The following COMMD10 variants were observed in gnomAD, a reference collection of about 807,000 sequenced individuals.
The protein encoded by COMMD10 is COMM domain containing 10, also known as COMM domain-containing protein 10.
A neutral mutation model predicts 28.9 loss-of-function variants in COMMD10; 33 were observed. The ratio of observed to expected loss-of-function variants is 1.14; its 90% CI spans 0.87 to 1.53. The LOEUF (loss-of-function observed/expected upper bound fraction) is 1.53, where lower values mean the gene tolerates loss of function less well. Ranked by LOEUF, COMMD10 falls within the 40% of genes most tolerant of loss-of-function variation. The pLI is 0.00. For synonymous variants in COMMD10, 110 were observed against 81.7 expected, an observed-to-expected ratio of 1.35 and a Z score of -1.87; for missense variants, 310 against 233.4, an observed-to-expected ratio of 1.33 and a Z score of -2.14.
chr5:116,098,676 T>C lies in COMMD10; in HGVS notation c.399+5976T>C, dbSNP rs143273929. On this transcript the variant is annotated intron_variant, in intron 4 of 6. Coordinates refer to ENST00000274458, the MANE Select transcript of COMMD10 (RefSeq NM_016144.4). Reference sequence around the variant, plus strand: ...GAGTATCTGCAGTTTTGGGTGTCTGTAGGGGGTCCTGGAACCAGCCCTCGC... The same window carrying C: ...GAGTATCTGCAGTTTTGGGTGTCTGCAGGGGGTCCTGGAACCAGCCCTCGC... 1.9e-3 allele frequency among the ~76,000 whole-genome samples: 291 copies of C among 152,280 alleles called. 2 individuals carry two copies. Among genetic ancestry groups the C allele is most frequent in the African/African-American group, 6.6e-3 (274 of 41,566 alleles).
intron 5 of COMMD10, among the ~76,000 whole-genome samples, chr5:116,271,272 T>C (rs1750746236): frequency 6.8e-6 from 1 of 147,510 alleles, no homozygotes; most frequent in South Asian, 2.1e-4. Flanking sequence ...TTAAGCATTT[T>C]TATCTTTTTA....
chr5:116,141,412 A>C (rs1325841843), intron 5 of COMMD10, among the ~76,000 whole-genome samples: 4 of 151,590 alleles, frequency 2.6e-5, no homozygotes, highest in Non-Finnish European at 5.9e-5. Context: ...ATTCCATGCG[A>C]ATTTTAGAAT....
chr5:116,103,510 G>C (rs1048547307), intron 4 of COMMD10, among the ~76,000 whole-genome samples: 2 of 151,184 alleles, frequency 1.3e-5, no homozygotes, highest in Admixed American at 6.6e-5. Flanking sequence ...CTTTTTGATG[G>C]GTTTTTTTCT....
chr5:116,156,600 G>A (rs1014757152), intron 5 of COMMD10, among the ~76,000 whole-genome samples: 1 of 152,050 alleles, frequency 6.6e-6, no homozygotes, highest in African/African-American at 2.4e-5. Flanking sequence ...AAGGCCTTTT[G>A]AATTTTGAAT....
chr5:116,189,213 CA>C (rs1368145472), intron 5 of COMMD10, among the ~76,000 whole-genome samples: 1 of 152,136 alleles, frequency 6.6e-6, no homozygotes, highest in Non-Finnish European at 1.5e-5. Context: ...GAAATCGCTG[CA>C]TGAGACTTCA....
rs114860981 is a variant in COMMD10, at chr5:116,213,825, G to C, written c.511-77692G>C. On this transcript the variant is annotated intron_variant, in intron 5 of 6. Transcript: ENST00000274458. ...GTACAAATACCATGTTAAGGTGCTT[G>C]ATAAAATGTGAATGATTTATGAAAT... 8.7e-3 allele frequency among the ~76,000 whole-genome samples: 1,329 copies of C among 152,116 alleles called. 22 individuals carry two copies. Among genetic ancestry groups the C allele is most frequent in the African/African-American group, 0.03 (1,262 of 41,492 alleles).
rs747812694 is a variant in COMMD10 at position 116,092,499 on chromosome 5, G to T, written c.244-46G>T. Reference sequence around the variant, plus strand: ...GTATTTAGTATAGTTTAAAGTTTCAGTATGAAGATGAGGGACATATGTAAT... The same window carrying T: ...GTATTTAGTATAGTTTAAAGTTTCATTATGAAGATGAGGGACATATGTAAT... On this transcript the variant is annotated intron_variant, in intron 3 of 6. Coordinates refer to ENST00000274458, the MANE Select transcript of COMMD10 (RefSeq NM_016144.4). The T allele has an allele frequency of 2.9e-6, 4 of 1,376,836 alleles. No individual in the cohort carries two copies. The South Asian group carries it at 6.3e-5, about 22-fold the overall frequency. The allele number at this position is 1,376,836 out of a possible 1,614,324, so 85.3% of individuals were successfully genotyped here. A position where few individuals can be genotyped will look rare whatever the true frequency, so the allele number is the denominator to read the frequency against.
chr5:116,202,822 C>G (rs1364770743), intron 5 of COMMD10, among the ~76,000 whole-genome samples: 1 of 151,632 alleles, frequency 6.6e-6, no homozygotes, highest in Non-Finnish European at 1.5e-5. Flanking sequence ...AAAATTTTCT[C>G]CCATTCTGTA....
At chr5:116,125,303 A>G (rs1751585708) in intron 4 of COMMD10, among the ~76,000 whole-genome samples, 1 of 152,086 alleles carries the variant, frequency 6.6e-6, no homozygotes, top group East Asian at 1.9e-4. Context: ...TCTCCTTCAC[A>G]TATGAAGTTT....
At chr5:116,163,196 G>A (rs1280203873) in intron 5 of COMMD10, among the ~76,000 whole-genome samples, 2 of 123,758 alleles carry the variant, frequency 1.6e-5, no homozygotes, top group Admixed American at 1.5e-4. Context: ...GTATTTCTTA[G>A]TGTCTAGTAG....
intron 5 of COMMD10, among the ~76,000 whole-genome samples, chr5:116,212,168 A>G (rs956177798): frequency 2.0e-5 from 3 of 152,174 alleles, no homozygotes; most frequent in African/African-American, 4.8e-5. Flanking sequence ...GATTTAATTC[A>G]TAATGTAACT....
intron 5 of COMMD10, among the ~76,000 whole-genome samples, chr5:116,137,602 C>G (rs1374748671): frequency 6.6e-6 from 1 of 151,924 alleles, no homozygotes; most frequent in Non-Finnish European, 1.5e-5. Flanking sequence ...TACTTTTGAG[C>G]TGTTGTACTG....
At chr5:116,127,735 T>C (rs1288012782) in intron 4 of COMMD10, among the ~76,000 whole-genome samples, 1 of 151,948 alleles carries the variant, frequency 6.6e-6, no homozygotes. Flanking sequence ...ATGAGAACAC[T>C]TGGACACAGG....
At chr5:116,121,897 G>T (rs892944773) in intron 4 of COMMD10, among the ~76,000 whole-genome samples, 5 of 152,036 alleles carry the variant, frequency 3.3e-5, no homozygotes, top group African/African-American at 1.2e-4. Context: ...TTTTCAGATG[G>T]GTAGATTGCA....
chr5:116,089,889 T>G (rs1051855809), intron 2 of COMMD10, among the ~76,000 whole-genome samples: 2 of 152,212 alleles, frequency 1.3e-5, no homozygotes, highest in African/African-American at 2.4e-5. Context: ...GATAAGGGCT[T>G]TTCAGTCAAG....
intron 2 of COMMD10, among the ~76,000 whole-genome samples, 153 bp from the exon 3 acceptor site, chr5:116,090,926 G>A (rs893085727): frequency 5.3e-5 from 8 of 152,174 alleles, no homozygotes; most frequent in Admixed American, 1.3e-4. Context: ...AGCATCATAT[G>A]TTTTATAAAT....
chr5:116,206,284 T>G (rs7701536), intron 5 of COMMD10, among the ~76,000 whole-genome samples: 2 of 152,158 alleles, frequency 1.3e-5, no homozygotes, highest in African/African-American at 4.8e-5. Context: ...AACAGCAGTT[T>G]CCATTTTTCT....
chr5:116,265,260 C>T (rs564044945), intron 5 of COMMD10, among the ~76,000 whole-genome samples: 9 of 151,702 alleles, frequency 5.9e-5, no homozygotes, highest in African/African-American at 2.2e-4. Context: ...TTTTTTTTCA[C>T]TATCCCCAAA....
At chr5:116,097,691 T>C (rs938949162) in intron 4 of COMMD10, among the ~76,000 whole-genome samples, 3 of 152,138 alleles carry the variant, frequency 2.0e-5, no homozygotes, top group Non-Finnish European at 4.4e-5. Context: ...CTGCAGGCTG[T>C]ACGGGAAGCA....
Sources: gnomAD v4.1 joint callset for allele counts (sites outside exome capture counted in the v4.1 genomes callset) on GRCh38, gnomAD v4.1.1 for gene constraint, MANE v1.5 for transcripts, NCBI Gene and HGNC (gene_info 2026-07-23, HGNC 2026-07-21) for gene names.